ACP3: variants seen among roughly 807,000 people sequenced by gnomAD.
ACP3 encodes acid phosphatase 3, also known as prostatic acid phosphatase.
In ACP3, 38 loss-of-function variants were observed where a neutral mutation model predicts 45.6. The ratio of observed to expected loss-of-function variants is 0.83; its 90% CI spans 0.64 to 1.09. The LOEUF is 1.09. Ranked by LOEUF, ACP3 falls within the 50% of genes least tolerant of loss-of-function variation. The pLI is 0.00. For missense variants in ACP3, 466 were observed against 463.2 expected, an observed-to-expected ratio of 1.01 and a Z score of -0.05; for synonymous variants, 162 against 164.7, an observed-to-expected ratio of 0.98 and a Z score of 0.13.
chr3:132,331,833 C>A lies in ACP3; in HGVS notation c.303+100C>A, dbSNP rs1937404667. The A allele has an allele frequency of 2.8e-6, 3 of 1,074,042 alleles. No individual in the cohort carries two copies. The South Asian group carries it at 4.5e-5, about 16-fold the overall frequency. The allele number at this position is 1,074,042 out of a possible 1,614,324, so 66.5% of individuals were successfully genotyped here. ...TTGCCTGTTTTCCAAGGAACTTATA[C>A]AAGTCAGAGGTCTTGTTTACAAATA... On this transcript the variant is annotated intron_variant, in intron 3 of 9. Transcript: ENST00000336375.
intron 9 of ACP3, 149 bp from the exon 10 acceptor site, chr3:132,356,537 C>T (rs1004729230): frequency 6.9e-7 from 1 of 1,441,936 alleles, no homozygotes; most frequent in African/African-American, 1.4e-5. Context: ...CCAGTCTCCC[C>T]ATTTACACAC....
At chr3:132,366,158 A>T (rs1472836596) in intron 10 of ACP3, among the ~76,000 whole-genome samples, 1 of 151,926 alleles carries the variant, frequency 6.6e-6, no homozygotes, top group East Asian at 1.9e-4. Context: ...AAAATTAGCT[A>T]GGCATGGAGG....
chr3:132,337,232 GA>G (rs3833591), intron 4 of ACP3: 178,590 of 387,282 alleles, frequency 0.46, 43,974 homozygotes, highest in East Asian at 0.83. Flanking sequence ...GTTTATGAAT[GA>G]AAAAAAAGGA....
At chr3:132,340,123 G>A (rs182040700) in intron 5 of ACP3, among the ~76,000 whole-genome samples, 5 of 152,170 alleles carry the variant, frequency 3.3e-5, no homozygotes, top group Admixed American at 3.3e-4. Flanking sequence ...AGACCAGCCT[G>A]GCCAACTTAG....
At chr3:132,366,122 A>G (rs1938127886) in intron 10 of ACP3, among the ~76,000 whole-genome samples, 1 of 152,048 alleles carries the variant, frequency 6.6e-6, no homozygotes, top group Non-Finnish European at 1.5e-5. Context: ...GCAACATGAC[A>G]AAACCCCATC....
chr3:132,360,384 A>G (rs1938018642), downstream of ACP3, among the ~76,000 whole-genome samples: 1 of 152,162 alleles, frequency 6.6e-6, no homozygotes, highest in Non-Finnish European at 1.5e-5. Flanking sequence ...AGCAGGACAA[A>G]ATCATTAAAT....
chr3:132,327,545 A>G (rs1055715166), intron 1 of ACP3, among the ~76,000 whole-genome samples: 8 of 143,152 alleles, frequency 5.6e-5, no homozygotes, highest in East Asian at 2.2e-4. Flanking sequence ...CTAGTTGGGC[A>G]CGGTGGCTCA....
intron 6 of ACP3, among the ~76,000 whole-genome samples, chr3:132,343,593 T>C (rs528388615): frequency 6.6e-6 from 1 of 152,320 alleles, no homozygotes; most frequent in Non-Finnish European, 1.5e-5. Context: ...TGTCATGTGA[T>C]ATTTTTTCCA....
downstream of ACP3, among the ~76,000 whole-genome samples, chr3:132,359,980 C>T (rs1938009604): frequency 6.6e-6 from 1 of 152,116 alleles, no homozygotes; most frequent in South Asian, 2.1e-4. Flanking sequence ...ATGAGGTGGC[C>T]TCTAATACAG....
chr3:132,361,722 G>A (rs528168601), downstream of ACP3, among the ~76,000 whole-genome samples: 2 of 152,250 alleles, frequency 1.3e-5, no homozygotes, highest in African/African-American at 2.4e-5. Flanking sequence ...ATTCTTATAA[G>A]CAAGATAATC....
chr3:132,338,866 A>AT (rs1002119574), intron 5 of ACP3, among the ~76,000 whole-genome samples: 5 of 152,052 alleles, frequency 3.3e-5, no homozygotes, highest in Non-Finnish European at 7.4e-5. Flanking sequence ...GTTTTTTGAT[A>AT]TTGTATTTCT....
At chr3:132,338,416 C>T (rs150836780) in intron 5 of ACP3, among the ~76,000 whole-genome samples, 1 of 151,524 alleles carries the variant, frequency 6.6e-6, no homozygotes, top group Non-Finnish European at 1.5e-5. Flanking sequence ...TTTATTTAAC[C>T]AGCCCCTATT....
intron 1 of ACP3, among the ~76,000 whole-genome samples, chr3:132,319,275 T>G (rs929473463): frequency 2.6e-5 from 4 of 152,226 alleles, no homozygotes; most frequent in Non-Finnish European, 5.9e-5. Flanking sequence ...GGTTAATTTA[T>G]ACAAATGAGA....
chr3:132,318,711 T>C (rs966054479), intron 1 of ACP3, among the ~76,000 whole-genome samples: 2 of 152,152 alleles, frequency 1.3e-5, no homozygotes, highest in African/African-American at 4.8e-5. Context: ...AAAAAAAATA[T>C]ATAATACTGT....
At chr3:132,343,024 A>G (rs1367997680) in intron 6 of ACP3, among the ~76,000 whole-genome samples, 1 of 152,216 alleles carries the variant, frequency 6.6e-6, no homozygotes, top group African/African-American at 2.4e-5. Flanking sequence ...GGGGAAAATT[A>G]CCTGATTTCC....
chr3:132,322,540 T>G (rs940070938), intron 1 of ACP3, among the ~76,000 whole-genome samples: 1 of 152,292 alleles, frequency 6.6e-6, no homozygotes, highest in Non-Finnish European at 1.5e-5. Flanking sequence ...AATAAAATAA[T>G]AAGAAGAATT....
chr3:132,335,444 T>A (rs1465057119), intron 4 of ACP3, among the ~76,000 whole-genome samples: 1 of 144,878 alleles, frequency 6.9e-6, no homozygotes, highest in Non-Finnish European at 1.5e-5. Flanking sequence ...GAAGCAACTT[T>A]TAAAATAAAT....
At chr3:132,328,679 CAAA>C (rs553521994) in intron 2 of ACP3, among the ~76,000 whole-genome samples, 9 of 70,234 alleles carry the variant, frequency 1.3e-4, no homozygotes, top group African/African-American at 2.6e-4. Flanking sequence ...AACTCTATCT[CAAA>C]AAAAAAAAAA....
At chr3:132,356,602 G>A in intron 9 of ACP3, 84 bp from the exon 10 acceptor site, 1 of 1,603,296 alleles carries the variant, frequency 6.2e-7, no homozygotes, top group Non-Finnish European at 8.5e-7. Context: ...CAACTGGCAT[G>A]TAATAGTCCA....
Sources: allele counts gnomAD v4.1 joint callset (sites outside exome capture counted in the v4.1 genomes callset), GRCh38; gene constraint gnomAD v4.1.1; transcripts MANE v1.5; gene names NCBI Gene and HGNC (gene_info 2026-07-23, HGNC 2026-07-21).